The following HAPLN2 variants were observed in gnomAD, a reference collection of about 807,000 sequenced individuals.
HAPLN2 encodes brain link protein-1.
HAPLN2 carries 27 observed loss-of-function variants against 29.3 expected under a neutral mutation model. The ratio of observed to expected loss-of-function variants is 0.92; its 90% CI spans 0.68 to 1.27. HAPLN2 has a LOEUF of 1.27. HAPLN2 is among the 50% of genes most tolerant of loss of function. The pLI is 0.00. For missense variants in HAPLN2, 454 were observed against 484.3 expected, an observed-to-expected ratio of 0.94 and a Z score of 0.59; for synonymous variants, 208 against 211.7, an observed-to-expected ratio of 0.98 and a Z score of 0.15.
rs996222933 is a variant in HAPLN2 at position 156,624,758 on chromosome 1, C to T, written c.714C>T (p.Ala238=). The T allele has an allele frequency of 1.3e-6, 2 of 1,535,110 alleles. No individual in the cohort carries two copies. The highest frequency in any genetic ancestry group is 8.7e-7 in the Non-Finnish European group (1 of 1,149,808). ...PRDRMRDRYD[A]FCFTSALAGQ... ...ACCGGATGCGCGACCGCTACGACGC[C>T]TTCTGCTTCACCTCCGCGCTGGCGG... The change falls in exon 6 of 7, where the codon GCC becomes GCT. Residue 238 remains alanine (A), a synonymous_variant. Transcript: ENST00000255039.
chr1:156,603,216 A>ATTT, the HAPLN2 span, among the ~76,000 whole-genome samples: 173 of 145,302 alleles, frequency 1.2e-3, 3 homozygotes, highest in East Asian at 0.019. Context: ...ACCTTGAACA[A>ATTT]TTTTTTTTTT....
At chr1:156,623,679 C>A (rs1678332120) in intron 3 of HAPLN2, 104 bp downstream of exon 3, 12 of 1,547,566 alleles carry the variant, frequency 7.8e-6, no homozygotes, top group Middle Eastern at 1.7e-4. Context: ...GACTGAAAGT[C>A]ATTGCTGAGA....
At chr1:156,624,909 G>GGGGGCCCCCCC in intron 6 of HAPLN2, 126 bp downstream of exon 6, 3 of 999,506 alleles carry the variant, frequency 3.0e-6, no homozygotes, top group Non-Finnish European at 4.2e-6. Flanking sequence ...CCCCCCATCA[G>GGGGGCCCCCCC]CCCGCCCGCC....
chr1:156,621,795 G>A (rs893259272), intron 2 of HAPLN2, among the ~76,000 whole-genome samples: 1 of 151,638 alleles, frequency 6.6e-6, no homozygotes, highest in African/African-American at 2.4e-5. Context: ...GCTCAAACTT[G>A]GGAGGCTGAA....
upstream of HAPLN2, among the ~76,000 whole-genome samples, chr1:156,618,487 A>AT (rs1678117010): frequency 6.6e-6 from 1 of 150,438 alleles, no homozygotes; most frequent in East Asian, 2.0e-4. Flanking sequence ...TTAAAAAAAA[A>AT]ATTTTAAAAA....
intron 5 of HAPLN2, 48 bp downstream of exon 5, chr1:156,624,515 G>T: frequency 4.4e-6 from 7 of 1,606,154 alleles, no homozygotes; most frequent in Non-Finnish European, 6.0e-6. Context: ...AGCTGTCTCA[G>T]GGGCCCGAGA....
At chr1:156,614,172 G>A in the HAPLN2 span, among the ~76,000 whole-genome samples, 1 of 151,536 alleles carries the variant, frequency 6.6e-6, no homozygotes, top group Non-Finnish European at 1.5e-5. Flanking sequence ...TAATAATACT[G>A]TGATAGAGTT....
At chr1:156,613,981 TA>T in the HAPLN2 span, among the ~76,000 whole-genome samples, 2 of 150,320 alleles carry the variant, frequency 1.3e-5, no homozygotes, top group Non-Finnish European at 3.0e-5. Flanking sequence ...GTGTGATATA[TA>T]AAAAAATCCT....
At chr1:156,604,919 C>CT in the HAPLN2 span, among the ~76,000 whole-genome samples, 33,327 of 139,634 alleles carry the variant, frequency 0.24, 4,189 homozygotes, top group South Asian at 0.51. Context: ...TCCCAGCTGG[C>CT]TTTTTTTTTT....
chr1:156,619,256 C>G (rs563265548), upstream of HAPLN2: 1 of 139,802 alleles, frequency 7.2e-6, no homozygotes, highest in Non-Finnish European at 1.6e-5. Flanking sequence ...ATGTGCCAGC[C>G]GGTCCTGCAT....
chr1:156,620,691 C>A (rs545270715), intron 2 of HAPLN2, among the ~76,000 whole-genome samples: 13 of 152,308 alleles, frequency 8.5e-5, no homozygotes, highest in Admixed American at 2.6e-4. Context: ...AGATGGAGCT[C>A]CATTCTTTAG....
chr1:156,607,673 C>T, the HAPLN2 span, among the ~76,000 whole-genome samples: 1 of 152,052 alleles, frequency 6.6e-6, no homozygotes, highest in East Asian at 1.9e-4. Context: ...AATTAAGGCA[C>T]TGTGTTATTT....
intron 2 of HAPLN2, among the ~76,000 whole-genome samples, chr1:156,622,663 C>T (rs1456972149): frequency 1.3e-5 from 2 of 151,926 alleles, no homozygotes; most frequent in African/African-American, 4.8e-5. Flanking sequence ...GGTTAAGAGG[C>T]GAGGCGGGGA....
chr1:156,612,199 T>A, the HAPLN2 span, among the ~76,000 whole-genome samples: 1 of 152,166 alleles, frequency 6.6e-6, no homozygotes, highest in Non-Finnish European at 1.5e-5. Context: ...AATTTTTGTA[T>A]TTTTAGTAGA....
At chr1:156,618,827 C>T (rs1328633570), upstream of HAPLN2, among the ~76,000 whole-genome samples, 1 of 149,866 alleles carries the variant, frequency 6.7e-6, no homozygotes, top group Non-Finnish European at 1.5e-5. Flanking sequence ...AGTGAATTTC[C>T]ATCCAGGAAG....
chr1:156,621,956 G>GAA (rs1018015660), intron 2 of HAPLN2, among the ~76,000 whole-genome samples: 1 of 137,844 alleles, frequency 7.3e-6, no homozygotes, highest in Non-Finnish European at 1.6e-5. Context: ...ACTCCATCTA[G>GAA]AAAAAAAAAA....
At position 156,625,295 on chromosome 1, in the gene HAPLN2, G is replaced by A; in HGVS notation, c.934G>A (p.Gly312Arg). Residue 312 changes from glycine to arginine, a missense_variant, in exon 7 of 7, where the codon GGG (glycine) becomes AGG (arginine). Physicochemically the swap from Gly to Arg is moderately radical, Grantham distance 125. Coordinates refer to ENST00000255039, the MANE Select transcript of HAPLN2 (RefSeq NM_021817.3). This position sits in a 1 kb window ranked among gnomAD's most constrained non-coding sequence, Gnocchi z 5.7. ...FPITTPRPRC[G>R]GLPDPGVRSF... is the part of the protein sequence containing the mutation. ...AATCACCACGCCGAGGCCGCGCTGC[G>A]GGGGGCTCCCGGATCCCGGAGTGCG... 2 of 1,580,268 alleles carry A rather than the reference G, an allele frequency of 1.3e-6. No individual in the cohort carries two copies. The highest frequency in any genetic ancestry group is 8.6e-7 in the Non-Finnish European group (1 of 1,164,140).
chr1:156,612,503 C>A, the HAPLN2 span, among the ~76,000 whole-genome samples: 1 of 152,146 alleles, frequency 6.6e-6, no homozygotes, highest in Non-Finnish European at 1.5e-5. Context: ...ATTCTCCTGC[C>A]TCAGCCTCCC....
chr1:156,625,249 T>C lies in HAPLN2; in HGVS notation c.888T>C (p.Ala296=), dbSNP rs1402266334. 1 of 1,573,932 alleles carries C rather than the reference T, an allele frequency of 6.4e-7. No individual in the cohort carries two copies. ...GLDQCDGGWL[A]DGSVRFPITT... Reference sequence around the variant, plus strand: ...ACCAGTGCGACGGCGGCTGGCTGGCTGACGGCAGTGTGCGCTTCCCAATCA... The same window carrying C: ...ACCAGTGCGACGGCGGCTGGCTGGCCGACGGCAGTGTGCGCTTCCCAATCA... Residue 296 remains alanine, a synonymous_variant, in exon 7 of 7, where the codon GCT becomes GCC. Coordinates refer to ENST00000255039, the MANE Select transcript of HAPLN2 (RefSeq NM_021817.3). This position sits in a 1 kb window ranked among gnomAD's most constrained non-coding sequence, Gnocchi z 5.7.
Sources: gnomAD v4.1 joint callset for allele counts (sites outside exome capture counted in the v4.1 genomes callset) on GRCh38, gnomAD v4.1.1 for gene constraint, Gnocchi (gnomAD v3.1) non-coding constraint, MANE v1.5 for transcripts, NCBI Gene and HGNC (gene_info 2026-07-23, HGNC 2026-07-21) for gene names.